PRICKLE2: variants seen among roughly 807,000 people sequenced by gnomAD.
PRICKLE2 encodes prickle-like protein 2.
Under a neutral mutation model 81.4 loss-of-function variants are expected in PRICKLE2, and 21 were observed. That is an observed-to-expected ratio of 0.26 (90% CI 0.18 to 0.37). PRICKLE2 has a LOEUF of 0.37. PRICKLE2 is among the 10% of genes least tolerant of loss of function. PRICKLE2 has a pLI of 1.00. For missense variants in PRICKLE2, 940 were observed against 1,109.0 expected, an observed-to-expected ratio of 0.85 and a Z score of 2.16; for synonymous variants, 456 against 421.5, an observed-to-expected ratio of 1.08 and a Z score of -1.00.
chr3:64,255,257 T>C (rs1335685664), intron 2 of PRICKLE2, among the ~76,000 whole-genome samples: 2 of 152,260 alleles, frequency 1.3e-5, no homozygotes, highest in African/African-American at 2.4e-5. Flanking sequence ...CTGAACTTAC[T>C]TCTTGTTCCA....
chr3:64,169,774 C>T (rs572564997), intron 2 of PRICKLE2, among the ~76,000 whole-genome samples: 11 of 152,314 alleles, frequency 7.2e-5, no homozygotes, highest in African/African-American at 2.6e-4. Flanking sequence ...TGCCCCCTCA[C>T]CTGCAGTTTG....
intron 2 of PRICKLE2, among the ~76,000 whole-genome samples, chr3:64,263,961 G>A (rs1359593293): frequency 6.6e-6 from 1 of 152,164 alleles, no homozygotes; most frequent in African/African-American, 2.4e-5. Context: ...CAGAATGCCA[G>A]CATCCTAGAG....
At chr3:64,242,510 A>T (rs2079281791) in intron 2 of PRICKLE2, among the ~76,000 whole-genome samples, 9 of 152,272 alleles carry the variant, frequency 5.9e-5, no homozygotes, top group Admixed American at 5.2e-4. Flanking sequence ...AAATAATCAC[A>T]AAGATTGTTT....
chr3:64,200,334 T>C (rs990320508), intron 1 of PRICKLE2: 2 of 152,182 alleles, frequency 1.3e-5, no homozygotes, highest in South Asian at 2.1e-4. Flanking sequence ...TAATATGCCA[T>C]TGTATAGATA....
chr3:64,102,685 C>T (rs1222294003), intron 7 of PRICKLE2: 2 of 152,122 alleles, frequency 1.3e-5, no homozygotes, highest in African/African-American at 4.8e-5. Flanking sequence ...ACCCCCTGGC[C>T]CCAGTCTGTG....
At chr3:64,256,692 T>C (rs1333681179) in intron 2 of PRICKLE2, among the ~76,000 whole-genome samples, 2 of 152,228 alleles carry the variant, frequency 1.3e-5, no homozygotes. Context: ...GCTTAACTCT[T>C]TGTTGACTTA....
chr3:64,167,347 C>T (rs1267407861), intron 2 of PRICKLE2, among the ~76,000 whole-genome samples: 1 of 152,204 alleles, frequency 6.6e-6, no homozygotes, highest in Admixed American at 6.5e-5. Context: ...AAAGACTTTG[C>T]TCCATTTAGA....
chr3:64,164,770 C>T (rs369003995), intron 2 of PRICKLE2, among the ~76,000 whole-genome samples: 90 of 152,214 alleles, frequency 5.9e-4, no homozygotes, highest in African/African-American at 2.0e-3. Context: ...TGAATGATGC[C>T]GGGTTCTGAA....
At chr3:64,164,495 C>T (rs1441519336) in intron 2 of PRICKLE2, among the ~76,000 whole-genome samples, 4 of 152,140 alleles carry the variant, frequency 2.6e-5, no homozygotes, top group African/African-American at 9.7e-5. Context: ...CTACTTTGAT[C>T]TCCAGAAACT....
chr3:64,176,426 T>C (rs1450824098), intron 2 of PRICKLE2, among the ~76,000 whole-genome samples: 1 of 152,240 alleles, frequency 6.6e-6, no homozygotes, highest in African/African-American at 2.4e-5. Context: ...ATTAGTCCAT[T>C]ACCCTCCTCT....
At chr3:64,179,371 T>C (rs2078087122) in intron 2 of PRICKLE2, among the ~76,000 whole-genome samples, 1 of 152,168 alleles carries the variant, frequency 6.6e-6, no homozygotes, top group Non-Finnish European at 1.5e-5. Flanking sequence ...CCACCGTGCC[T>C]GGCCTAACAT....
chr3:64,211,393 C>T (rs900566356), intron 1 of PRICKLE2, among the ~76,000 whole-genome samples: 17 of 152,162 alleles, frequency 1.1e-4, no homozygotes, highest in African/African-American at 4.1e-4. Context: ...AATAGCTAGA[C>T]CATAAATTTC....
chr3:64,214,625 GA>G (rs989971304), intron 1 of PRICKLE2, among the ~76,000 whole-genome samples: 5 of 152,166 alleles, frequency 3.3e-5, no homozygotes, highest in African/African-American at 1.2e-4. Flanking sequence ...AAAGTACACA[GA>G]AAGAAAATAT....
At chr3:64,190,522 C>T (rs749003000) in intron 2 of PRICKLE2, among the ~76,000 whole-genome samples, 5 of 152,156 alleles carry the variant, frequency 3.3e-5, no homozygotes, top group African/African-American at 9.7e-5. Context: ...TTGTCCCCAG[C>T]GCCCAGAACA....
At chr3:64,219,386 C>A (rs1396966812) in intron 1 of PRICKLE2, among the ~76,000 whole-genome samples, 1 of 152,216 alleles carries the variant, frequency 6.6e-6, no homozygotes, top group Non-Finnish European at 1.5e-5. Flanking sequence ...ACAAGCTTGG[C>A]TTCCCTCTCT....
intron 7 of PRICKLE2, among the ~76,000 whole-genome samples, chr3:64,114,545 T>TA (rs993209837): frequency 5.9e-5 from 9 of 151,428 alleles, no homozygotes; most frequent in Admixed American, 2.6e-4. Context: ...CTTAGAGAGC[T>TA]AAAAAAACCC....
chr3:64,151,413 G>T (rs2077545638), intron 6 of PRICKLE2, among the ~76,000 whole-genome samples: 1 of 152,166 alleles, frequency 6.6e-6, no homozygotes, highest in South Asian at 2.1e-4. Context: ...GCAGCCAAAG[G>T]GCGAAAGAAA....
At chr3:64,107,783 G>A (rs2076779809) in intron 7 of PRICKLE2, among the ~76,000 whole-genome samples, 1 of 152,152 alleles carries the variant, frequency 6.6e-6, no homozygotes, top group Non-Finnish European at 1.5e-5. Context: ...GAGCTATGAT[G>A]ACACCACTGC....
chr3:64,148,431 C>T (rs1169136701), intron 6 of PRICKLE2, among the ~76,000 whole-genome samples: 1 of 152,220 alleles, frequency 6.6e-6, no homozygotes, highest in Non-Finnish European at 1.5e-5. Context: ...AGGACAGACT[C>T]ATTGAGTTTC....
Sources: allele counts gnomAD v4.1 joint callset (sites outside exome capture counted in the v4.1 genomes callset), GRCh38; gene constraint gnomAD v4.1.1; transcripts MANE v1.5; gene names NCBI Gene and HGNC (gene_info 2026-07-23, HGNC 2026-07-21).